Variants in ZFHX3 observed in about 807,000 individuals in gnomAD.
The protein encoded by ZFHX3 is zinc finger homeobox 3, also known as zinc finger homeobox protein 3.
A neutral mutation model predicts 279.1 loss-of-function variants in ZFHX3; 42 were observed. The observed-to-expected ratio is 0.15, with a 90% CI of 0.12 to 0.19. The LOEUF (loss-of-function observed/expected upper bound fraction) is 0.19. Among genes scored for constraint, ZFHX3 ranks in the 10% least tolerant of loss-of-function variants. The probability of loss-of-function intolerance (pLI) is 1.00; values close to 1 mark genes in which losing one functional copy is unlikely to be tolerated. For synonymous variants in ZFHX3, 2,293 were observed against 1,957.8 expected (o/e 1.17, Z -4.52); for missense variants, 4,981 against 4,754.0 (o/e 1.05, Z -1.40).
intron 2 of ZFHX3, among the ~76,000 whole-genome samples, chr16:73,628,708 C>T (rs2052440857): frequency 6.6e-6 from 1 of 152,132 alleles, no homozygotes; most frequent in Admixed American, 6.5e-5. Flanking sequence ...GCATGGTAAG[C>T]CTCCCCTATT....
chr16:73,608,238 C>T (rs932269364), intron 2 of ZFHX3, among the ~76,000 whole-genome samples: 3 of 152,184 alleles, frequency 2.0e-5, no homozygotes, highest in Non-Finnish European at 4.4e-5. Context: ...CCTACACTTC[C>T]TTCCCATTTC....
intron 3 of ZFHX3, among the ~76,000 whole-genome samples, chr16:73,325,924 C>CAA (rs1555510203): frequency 2.9e-5 from 4 of 137,020 alleles, no homozygotes; most frequent in African/African-American, 1.2e-4. Flanking sequence ...CACACACACA[C>CAA]ACAAACACAC....
intron 2 of ZFHX3, among the ~76,000 whole-genome samples, chr16:73,630,590 A>G (rs2052459510): frequency 6.6e-6 from 1 of 152,350 alleles, no homozygotes; most frequent in African/African-American, 2.4e-5. Context: ...TGGACGTGCC[A>G]CCACATTTTA....
intron 2 of ZFHX3, among the ~76,000 whole-genome samples, chr16:73,462,131 G>A (rs2143582285): frequency 6.6e-6 from 1 of 152,188 alleles, no homozygotes; most frequent in South Asian, 2.1e-4. Context: ...GGTACATGAT[G>A]TATTTTTAAT....
intron 8 of ZFHX3, among the ~76,000 whole-genome samples, chr16:73,083,994 T>C (rs564525455): frequency 3.4e-4 from 52 of 152,276 alleles, no homozygotes; most frequent in African/African-American, 1.3e-3. Context: ...CCAAGGGACA[T>C]TTGGAAGTGT....
At chr16:73,172,303 G>T (rs1967549029) in intron 5 of ZFHX3, among the ~76,000 whole-genome samples, 1 of 152,166 alleles carries the variant, frequency 6.6e-6, no homozygotes, top group African/African-American at 2.4e-5. Context: ...CAGCTCCGAC[G>T]CCCTCCTTCC....
At position 72,788,646 on chromosome 16, in the gene ZFHX3, A is replaced by G. The variant is rs995671051; in HGVS notation, c.9630T>C (p.Pro3210=). 6.2e-7 allele frequency: 1 copy of G among 1,610,938 alleles called. No homozygotes were observed. The highest frequency in any genetic ancestry group is 8.5e-7 in the Non-Finnish European group (1 of 1,179,118). Residue 3210 remains proline (P), a synonymous_variant, in exon 10 of 10, where the codon CCT becomes CCC. Coordinates refer to ENST00000268489, the MANE Select transcript of ZFHX3 (RefSeq NM_006885.4). ...QQQQQPQVQQ[P]PPPPAAQPPP... ...GCGGCTGGGCTGCTGGCGGCGGGGGAGGCTGCTGCACCTGTGGTTGCTGCT... is the reference window on the plus strand; with the variant it reads ...GCGGCTGGGCTGCTGGCGGCGGGGGGGGCTGCTGCACCTGTGGTTGCTGCT...
chr16:73,524,588 T>C (rs1392897188), intron 2 of ZFHX3, among the ~76,000 whole-genome samples: 1 of 152,232 alleles, frequency 6.6e-6, no homozygotes, highest in Non-Finnish European at 1.5e-5. Flanking sequence ...ATGAACTAAT[T>C]CCAGCACTCA....
rs374104332 is a variant in ZFHX3 at position 72,797,948 on chromosome 16, T to C, written c.4734A>G (p.Gln1578=). The C allele has an allele frequency of 6.2e-6, 10 of 1,614,236 alleles. No individual in the cohort carries two copies. The East Asian group carries it at 2.2e-4, about 36-fold the overall frequency. The change falls in exon 9 of 10, where the codon CAA becomes CAG. Residue 1578 remains glutamine, a synonymous_variant. Transcript: ENST00000268489. ...GTTCTGGCTGACCGGTTGCTGATTCTTGAAGGGCTCTCTTTAACTTATGCA... is the reference window on the plus strand; with the variant it reads ...GTTCTGGCTGACCGGTTGCTGATTCCTGAAGGGCTCTCTTTAACTTATGCA... ...SHLHKLKRAL[Q]ESATGQPEPT...
At chr16:73,009,549 A>G (rs926145590) in intron 1 of ZFHX3, among the ~76,000 whole-genome samples, 20 of 152,314 alleles carry the variant, frequency 1.3e-4, no homozygotes, top group Admixed American at 8.5e-4. Context: ...AGAAAATGTA[A>G]TCATATATTA....
intron 5 of ZFHX3, among the ~76,000 whole-genome samples, chr16:73,237,655 A>G (rs1347685910): frequency 6.7e-6 from 1 of 150,372 alleles, no homozygotes; most frequent in Non-Finnish European, 1.5e-5. Flanking sequence ...TACAGGCATG[A>G]GCCACTATGC....
chr16:73,888,465 C>T (rs2030422514), intron 1 of ZFHX3, among the ~76,000 whole-genome samples: 1 of 152,120 alleles, frequency 6.6e-6, no homozygotes, highest in African/African-American at 2.4e-5. Context: ...GGTGTGGCAA[C>T]ACATTTCTTC....
chr16:73,787,730 TC>T (rs1195576312), intron 1 of ZFHX3, among the ~76,000 whole-genome samples: 10 of 151,948 alleles, frequency 6.6e-5, no homozygotes, highest in African/African-American at 2.2e-4. Flanking sequence ...AGAAGTGACT[TC>T]ATAATGTACT....
chr16:73,775,666 A>G (rs1481032350), intron 1 of ZFHX3, among the ~76,000 whole-genome samples: 1 of 152,374 alleles, frequency 6.6e-6, no homozygotes, highest in East Asian at 1.9e-4. Flanking sequence ...ACGCAGGGGT[A>G]GTAATTATTC....
At chr16:73,356,544 T>C (rs1409646458) in intron 3 of ZFHX3, among the ~76,000 whole-genome samples, 3 of 152,010 alleles carry the variant, frequency 2.0e-5, no homozygotes, top group Admixed American at 6.5e-5. Flanking sequence ...TAAAGACCAA[T>C]GGACTCTGCA....
intron 1 of ZFHX3, among the ~76,000 whole-genome samples, chr16:73,738,980 C>G (rs1335772893): frequency 6.6e-6 from 1 of 150,602 alleles, no homozygotes; most frequent in Non-Finnish European, 1.5e-5. Flanking sequence ...TCCCACCAGA[C>G]CAGACTGTGG....
chr16:73,717,887 A>AGCCT (rs1270201007), intron 1 of ZFHX3, among the ~76,000 whole-genome samples: 2 of 152,172 alleles, frequency 1.3e-5, no homozygotes, highest in Admixed American at 6.5e-5. Flanking sequence ...GCAGCCCTCC[A>AGCCT]GCCTGTGGCT....
At chr16:72,840,311 C>T (rs1217127332) in intron 4 of ZFHX3, among the ~76,000 whole-genome samples, 1 of 152,090 alleles carries the variant, frequency 6.6e-6, no homozygotes, top group African/African-American at 2.4e-5. Context: ...ACCTAATGGG[C>T]ATAAGTGAAA....
chr16:73,400,335 T>G (rs897096736), intron 3 of ZFHX3: 3 of 152,234 alleles, frequency 2.0e-5, no homozygotes, highest in African/African-American at 7.2e-5. Flanking sequence ...GTACATGAGC[T>G]ATTGGTGTGA....
Sources: allele counts gnomAD v4.1 joint callset (sites outside exome capture counted in the v4.1 genomes callset), GRCh38; gene constraint gnomAD v4.1.1; transcripts MANE v1.5; gene names NCBI Gene and HGNC (gene_info 2026-07-23, HGNC 2026-07-21).